SLC26A9: variants seen among roughly 807,000 people sequenced by gnomAD.
SLC26A9 encodes solute carrier family 26 member 9, also known as anion transporter/exchanger protein 9.
SLC26A9 carries 46 observed loss-of-function variants against 87.1 expected under a neutral mutation model. That is an observed-to-expected ratio of 0.53 (90% CI 0.42 to 0.67). SLC26A9 has a LOEUF of 0.67. Among genes scored for constraint, SLC26A9 ranks in the 30% least tolerant of loss-of-function variants. The probability of loss-of-function intolerance (pLI) is 0.00; values close to 1 mark genes in which losing one functional copy is unlikely to be tolerated. For missense variants in SLC26A9, 927 were observed against 1,018.3 expected, an observed-to-expected ratio of 0.91 and a Z score of 1.22; for synonymous variants, 437 against 409.1, an observed-to-expected ratio of 1.07 and a Z score of -0.82.
intron 16 of SLC26A9, among the ~76,000 whole-genome samples, chr1:205,922,446 C>G (rs1243887300): frequency 6.6e-6 from 1 of 152,222 alleles, no homozygotes; most frequent in Non-Finnish European, 1.5e-5. Flanking sequence ...CCACCCCAGC[C>G]TTGCTAGCCC....
In SLC26A9 at chr1:205,914,951, T is replaced by G. The variant is rs377735995; in HGVS notation, c.*406A>C. ...GAGCCGTGTGGGCTCTGGGACACTTTTTGAAGCTTGTACAGCAGGCCAGCA... is the reference window on the plus strand; with the variant it reads ...GAGCCGTGTGGGCTCTGGGACACTTGTTGAAGCTTGTACAGCAGGCCAGCA... On this transcript the variant is annotated 3_prime_UTR_variant, in exon 21 of 21. Coordinates refer to ENST00000367135, the MANE Select transcript of SLC26A9 (RefSeq NM_052934.4). 1.2e-5 allele frequency: 20 copies of G among 1,614,036 alleles called. No homozygotes were observed. Among genetic ancestry groups the G allele is most frequent in the Non-Finnish European group, 1.6e-5 (19 of 1,180,024 alleles).
In SLC26A9 at chr1:205,913,356, G is replaced by T. The variant is rs1001224493; in HGVS notation, c.*2001C>A. ...GTGTTTCCAATCTTACCTCCACAGC[G>T]GGCTCTGCAACCCTCAGACATGTGG... On this transcript the variant is annotated 3_prime_UTR_variant, in exon 21 of 21. Transcript: ENST00000367135. 6.6e-6 allele frequency: 1 copy of T among 152,506 alleles called. No individual in the cohort carries two copies. Among genetic ancestry groups the T allele is most frequent in the Admixed American group, 6.5e-5 (1 of 15,274 alleles). 9.4% of individuals were successfully genotyped at this position (152,506 alleles called of 1,614,324 possible). A position where few individuals can be genotyped will look rare whatever the true frequency, so the allele number is the denominator to read the frequency against.
intron 1 of SLC26A9, among the ~76,000 whole-genome samples, chr1:205,940,474 A>G (rs1290919140): frequency 6.6e-6 from 1 of 152,178 alleles, no homozygotes; most frequent in East Asian, 1.9e-4. Flanking sequence ...AAGGCTCGGA[A>G]CGGCACCTGG....
At chr1:205,919,061 G>C in intron 18 of SLC26A9, 76 bp from the exon 19 acceptor site, 1 of 1,579,536 alleles carries the variant, frequency 6.3e-7, no homozygotes, top group Non-Finnish European at 8.6e-7. Flanking sequence ...AAGATAGTGA[G>C]ACCAGAGCAG....
Position 205,921,833 on chromosome 1 carries a change from C to A in SLC26A9, c.1788G>T (p.Gln596His), listed in dbSNP as rs915180464. 1 of 1,606,438 alleles carries A rather than the reference C, an allele frequency of 6.2e-7. No homozygotes were observed. The highest frequency in any genetic ancestry group is 8.5e-7 in the Non-Finnish European group (1 of 1,177,716). ...LFMKTKTVSL[Q>H]ELQQDFENAP... ...CATTCTCAAAGTCCTGCTGCAGCTC[C>A]TGCAGGGAGACAGTCTGGAAGGGTG... The change falls in exon 17 of 21, where the codon CAG (glutamine) becomes CAT (histidine). Residue 596 changes from glutamine (Q) to histidine (H), a missense_variant. By Grantham distance (24) the Gln-to-His change is conservative. Coordinates refer to ENST00000367135, the MANE Select transcript of SLC26A9 (RefSeq NM_052934.4).
At chr1:205,921,288 C>G (rs1162024458) in intron 17 of SLC26A9, among the ~76,000 whole-genome samples, 1 of 152,112 alleles carries the variant, frequency 6.6e-6, no homozygotes, top group Non-Finnish European at 1.5e-5. Context: ...CTGAGAGGGA[C>G]TTGGGATGGC....
chr1:205,923,267 G>A (rs987674733), intron 15 of SLC26A9, 68 bp downstream of exon 15: 33 of 1,609,042 alleles, frequency 2.1e-5, no homozygotes, highest in South Asian at 8.8e-5. Context: ...AGCTCCCACC[G>A]CCCTTCTGCT....
rs1046783480 is a variant in SLC26A9 at position 205,913,858 on chromosome 1, A to C, written c.*1499T>G. On this transcript the variant is annotated 3_prime_UTR_variant, in exon 21 of 21. Coordinates refer to ENST00000367135, the MANE Select transcript of SLC26A9 (RefSeq NM_052934.4). ...TAGCTGACCAGCTCACTCAACACACAGACACACAACGCAGGTCTGGCTGAA... is the reference window on the plus strand; with the variant it reads ...TAGCTGACCAGCTCACTCAACACACCGACACACAACGCAGGTCTGGCTGAA... 1 of 152,382 alleles carries C rather than the reference A, an allele frequency of 6.6e-6. No homozygotes were observed. The highest frequency in any genetic ancestry group is 2.4e-5 in the African/African-American group (1 of 41,442). 9.4% of individuals were successfully genotyped at this position (152,382 alleles called of 1,614,324 possible). A position where few individuals can be genotyped will look rare whatever the true frequency, so the allele number is the denominator to read the frequency against.
In SLC26A9 at chr1:205,928,037, C is replaced by T. The variant is rs149715715; in HGVS notation, c.966G>A (p.Pro322=). The change falls in exon 9 of 21, where the codon CCG becomes CCA. Residue 322 remains proline (P), a synonymous_variant. Coordinates refer to ENST00000367135, the MANE Select transcript of SLC26A9 (RefSeq NM_052934.4). ...VGEIQRGFPT[P]VSPVVSQWKD... ...TCCACTGTGAGACCACAGGCGACAC[C>T]GGGGTGGGGAACCTGCCGAGGAGCC... is the stretch of plus-strand genomic sequence containing the variant. 59 of 1,613,812 alleles carry T rather than the reference C, an allele frequency of 3.7e-5. No homozygotes were observed. Among genetic ancestry groups the T allele is most frequent in the Admixed American group, 2.8e-4 (17 of 60,012 alleles).
At chr1:205,932,171 A>C in intron 4 of SLC26A9, 136 bp from the exon 5 acceptor site, 1 of 997,362 alleles carries the variant, frequency 1.0e-6, no homozygotes, top group Non-Finnish European at 1.5e-6. Context: ...CAACACAATA[A>C]TAACAACCAC....
At position 205,920,178 on chromosome 1, in the gene SLC26A9, T is replaced by C. The variant is rs775727656; in HGVS notation, c.2108A>G (p.His703Arg). Reference sequence around the variant, plus strand: ...CCTAAATGTCCTCTTTCTCTTACCATGGATGTTCACCAAGAAGACCTTCAC... The same window carrying C: ...CCTAAATGTCCTCTTTCTCTTACCACGGATGTTCACCAAGAAGACCTTCAC... ...IGVKVFLVNI[H>R]AQVYNDISHG... is the part of the protein sequence containing the mutation. Residue 703 changes from histidine to arginine, a missense_variant and splice_region_variant, in exon 18 of 21, where the codon CAT becomes CGT. Transcript: ENST00000367135. 3.2e-5 allele frequency: 52 copies of C among 1,613,830 alleles called. No homozygotes were observed. The highest frequency in any genetic ancestry group is 4.3e-5 in the Non-Finnish European group (51 of 1,179,842).
rs373649095 is a variant in SLC26A9 at position 205,928,931 on chromosome 1, A to G, written c.871-22T>C. ...CCACCTGCAAACCCCAGAGTGGAGAATGGGGATTGGCCCTAAGGTGGGGCC... is the reference window on the plus strand; with the variant it reads ...CCACCTGCAAACCCCAGAGTGGAGAGTGGGGATTGGCCCTAAGGTGGGGCC... On this transcript the variant is annotated intron_variant, in intron 7 of 20. Coordinates refer to ENST00000367135, the MANE Select transcript of SLC26A9 (RefSeq NM_052934.4). 4.3e-6 allele frequency: 7 copies of G among 1,613,416 alleles called. No individual in the cohort carries two copies. In the East Asian group the frequency reaches 6.7e-5, roughly 15 times the overall value.
chr1:205,919,015 G>C (rs11240593), intron 18 of SLC26A9, 30 bp from the exon 19 acceptor site: 199,491 of 1,610,322 alleles, frequency 0.12, 18,501 homozygotes, highest in East Asian at 0.56. Context: ...CCTTCAGAAA[G>C]ATAACAGCCA....
At position 205,915,249 on chromosome 1, in the gene SLC26A9, G is replaced by A. The variant is rs1658535376; in HGVS notation, c.*108C>T. 6.3e-7 allele frequency: 1 copy of A among 1,599,798 alleles called. No homozygotes were observed. The highest frequency in any genetic ancestry group is 8.5e-7 in the Non-Finnish European group (1 of 1,171,754). ...AGAGGAGAGAGGAACCCAAGCTCTG[G>A]GGGATGCACTTTCCTCCGCCCGACA... is the stretch of plus-strand genomic sequence containing the variant. On this transcript the variant is annotated 3_prime_UTR_variant, in exon 21 of 21. Coordinates refer to ENST00000367135, the MANE Select transcript of SLC26A9 (RefSeq NM_052934.4).
chr1:205,919,345 A>C (rs1405628297), intron 18 of SLC26A9, among the ~76,000 whole-genome samples: 1 of 152,104 alleles, frequency 6.6e-6, no homozygotes, highest in Non-Finnish European at 1.5e-5. Context: ...AGCAACTTCC[A>C]ATGTGTGGCA....
rs1336282240 is a variant in SLC26A9 at position 205,926,702 on chromosome 1, C to T, written c.1294-72G>A. On this transcript the variant is annotated intron_variant, in intron 11 of 20. Transcript: ENST00000367135. ...TTTTGCCCTCCTGCGCATACCCGAC[C>T]CCAAGGCCTGGCAGGACAGAGACGG... 3.2e-6 allele frequency: 4 copies of T among 1,253,572 alleles called. No homozygotes were observed. In the South Asian group the frequency reaches 4.9e-5, roughly 15 times the overall value. The allele number at this position is 1,253,572 out of a possible 1,614,324, so 77.7% of individuals were successfully genotyped here. A position where few individuals can be genotyped will look rare whatever the true frequency, so the allele number is the denominator to read the frequency against.
intron 6 of SLC26A9, 107 bp from the exon 7 acceptor site, chr1:205,929,463 C>A (rs1051532040): frequency 6.8e-6 from 10 of 1,477,294 alleles, no homozygotes; most frequent in Non-Finnish European, 8.1e-6. Context: ...CTAATGGAGG[C>A]ACACCAAGAC....
chr1:205,922,982 A>G, intron 16 of SLC26A9, 100 bp downstream of exon 16: 1 of 964,984 alleles, frequency 1.0e-6, no homozygotes. Context: ...TTTGCCTGTC[A>G]GGGTGGGAAG....
At position 205,932,799 on chromosome 1, in the gene SLC26A9, A is replaced by C. The variant is rs1236486166; in HGVS notation, c.279T>G (p.Ala93=). 2 of 1,596,534 alleles carry C rather than the reference A, an allele frequency of 1.3e-6. No homozygotes were observed. Among genetic ancestry groups the C allele is most frequent in the Non-Finnish European group, 1.7e-6 (2 of 1,171,694 alleles). ...SIQVPQGMAF[A]LLANLPAVNG... is the part of the protein sequence containing the mutation. ...TGACTGCAGGAAGGTTGGCCAGCAG[A>C]GCAAATGCCATGCCTGCAGAGGACA... is the stretch of plus-strand genomic sequence containing the variant. Residue 93 remains alanine, a synonymous_variant, in exon 4 of 21, where the codon GCT becomes GCG. Coordinates refer to ENST00000367135, the MANE Select transcript of SLC26A9 (RefSeq NM_052934.4).
Sources: allele counts gnomAD v4.1 joint callset (sites outside exome capture counted in the v4.1 genomes callset), GRCh38; gene constraint gnomAD v4.1.1; transcripts MANE v1.5; gene names NCBI Gene and HGNC (gene_info 2026-07-23, HGNC 2026-07-21).